Variants in DYM observed in about 807,000 individuals in gnomAD.
The protein encoded by DYM is dyggve-Melchior-Clausen syndrome protein.
In DYM, 78 loss-of-function variants were observed where a neutral mutation model predicts 93.1. The ratio of observed to expected loss-of-function variants is 0.84; its 90% CI spans 0.70 to 1.01. The LOEUF is 1.01. Ranked by LOEUF, DYM falls within the 50% of genes least tolerant of loss-of-function variation. DYM has a pLI of 0.00. For missense variants in DYM, 789 were observed against 845.0 expected (o/e 0.93, Z 0.82); for synonymous variants, 321 against 319.7 (o/e 1.00, Z -0.04).
chr18:49,178,067 A>G (rs2145414470), intron 14 of DYM, among the ~76,000 whole-genome samples: 1 of 152,294 alleles, frequency 6.6e-6, no homozygotes, highest in Admixed American at 6.5e-5. Context: ...AACCACAAAG[A>G]GAGAACAATT....
At chr18:49,096,050 A>T (rs952959590) in intron 17 of DYM, among the ~76,000 whole-genome samples, 2 of 152,194 alleles carry the variant, frequency 1.3e-5, no homozygotes, top group African/African-American at 4.8e-5. Flanking sequence ...AAAAAATCCC[A>T]CAAAAATACC....
intron 14 of DYM, among the ~76,000 whole-genome samples, chr18:49,194,338 ACC>A (rs1184203575): frequency 6.6e-6 from 1 of 152,090 alleles, no homozygotes; most frequent in African/African-American, 2.4e-5. Context: ...ACACCTACAC[ACC>A]CACACCTACA....
At chr18:49,336,570 G>A (rs150549504) in intron 6 of DYM, among the ~76,000 whole-genome samples, 167 of 152,246 alleles carry the variant, frequency 1.1e-3, no homozygotes, top group Non-Finnish European at 1.9e-3. Flanking sequence ...TGTGTCTTCC[G>A]TAGGCCCAGA....
chr18:49,305,890 T>C (rs757095910), intron 8 of DYM, among the ~76,000 whole-genome samples: 31 of 152,356 alleles, frequency 2.0e-4, no homozygotes, highest in African/African-American at 3.1e-4. Context: ...CCAAGCTCCA[T>C]TGTACCAGCT....
chr18:49,379,226 T>A (rs995300130), intron 4 of DYM, among the ~76,000 whole-genome samples: 1 of 152,124 alleles, frequency 6.6e-6, no homozygotes, highest in East Asian at 1.9e-4. Flanking sequence ...GAGACTGACA[T>A]CCAAACATGG....
chr18:49,258,847 G>C lies in DYM; in HGVS notation c.1252-354C>G, dbSNP rs1278063706. The stretch of plus-strand genomic sequence containing the variant: ...AGAGACACACACACACACAGAGAGA[G>C]AGAGAGAGAGAGAGAGAGAGAGAGA... On this transcript the variant is annotated intron_variant, in intron 11 of 17. Transcript: ENST00000675505. Among the ~76,000 whole-genome samples the C allele has an allele frequency of 0.01, 589 of 56,968 alleles. 16 individuals are homozygous for C. The South Asian group carries it at 0.13, about 12-fold the overall frequency. 37.4% of individuals were successfully genotyped at this position (56,968 alleles called of 152,430 possible).
intron 11 of DYM, among the ~76,000 whole-genome samples, chr18:49,266,266 C>A (rs2094569607): frequency 6.6e-6 from 1 of 152,154 alleles, no homozygotes; most frequent in Non-Finnish European, 1.5e-5. Context: ...ATGATTCTAA[C>A]ATCTTAGCTT....
At chr18:49,149,712 T>TG (rs1385139673) in intron 15 of DYM, among the ~76,000 whole-genome samples, 3 of 141,990 alleles carry the variant, frequency 2.1e-5, no homozygotes, top group South Asian at 2.4e-4. Flanking sequence ...GTTTTTTTTT[T>TG]TTTTTTTTTT....
chr18:49,090,243 T>C (rs866699001), intron 17 of DYM, among the ~76,000 whole-genome samples: 2 of 152,154 alleles, frequency 1.3e-5, no homozygotes, highest in African/African-American at 4.8e-5. Flanking sequence ...GCCACTGTGA[T>C]TGTTGAATTC....
intron 13 of DYM, among the ~76,000 whole-genome samples, chr18:49,236,723 T>C (rs1027414295): frequency 2.0e-5 from 3 of 151,936 alleles, no homozygotes; most frequent in Admixed American, 6.6e-5. Flanking sequence ...AATAGGAAAA[T>C]GTGAACTTGC....
At chr18:49,386,004 G>T (rs1162542164) in intron 3 of DYM, among the ~76,000 whole-genome samples, 4 of 152,088 alleles carry the variant, frequency 2.6e-5, no homozygotes. Flanking sequence ...TAGAGACAGG[G>T]TCTTGCTATG....
intron 13 of DYM, among the ~76,000 whole-genome samples, chr18:49,249,638 G>A (rs1439182944): frequency 1.3e-5 from 2 of 151,716 alleles, no homozygotes; most frequent in African/African-American, 4.8e-5. Flanking sequence ...TGACCACGTA[G>A]TTCAACAACC....
chr18:49,113,829 T>A (rs561451154), intron 16 of DYM, among the ~76,000 whole-genome samples: 1 of 152,356 alleles, frequency 6.6e-6, no homozygotes, highest in South Asian at 2.1e-4. Flanking sequence ...AAATGTTTTT[T>A]AAATGAATTT....
chr18:49,453,406 T>C (rs2082701543), intron 1 of DYM, among the ~76,000 whole-genome samples: 10 of 152,190 alleles, frequency 6.6e-5, no homozygotes, highest in Admixed American at 6.5e-4. Context: ...TGCTGCTCAC[T>C]CTTTGGGTCC....
Position 49,111,054 on chromosome 18 carries a change from A to G in DYM, c.1911+7690T>C, listed in dbSNP as rs550788078. ...CATTTTATTTTTTCTTACAGTTCCC[A>G]TCTCTCTCTGGAACTGTTTATATAT... On this transcript the variant is annotated intron_variant, in intron 16 of 17. Coordinates refer to ENST00000675505, the MANE Select transcript of DYM (RefSeq NM_001353214.3). Among the ~76,000 whole-genome samples, 33 of 152,044 alleles carry G rather than the reference A, an allele frequency of 2.2e-4. No homozygotes were observed. In the South Asian group the frequency reaches 6.0e-3, roughly 28 times the overall value.
intron 11 of DYM, among the ~76,000 whole-genome samples, chr18:49,266,067 C>T (rs978957591): frequency 1.3e-5 from 2 of 151,096 alleles, no homozygotes; most frequent in Non-Finnish European, 2.9e-5. Context: ...GGCTGAGGCA[C>T]GAGAATTGCG....
At position 49,137,406 on chromosome 18, in the gene DYM, T is replaced by G. The variant is rs142993385; in HGVS notation, c.1729-18480A>C. ...CAGAGTTTGAGCAACTCATTTAATCTGAGAATTTCTTTTCTTTTGTTAAGT... is the reference window on the plus strand; with the variant it reads ...CAGAGTTTGAGCAACTCATTTAATCGGAGAATTTCTTTTCTTTTGTTAAGT... On this transcript the variant is annotated intron_variant, in intron 15 of 17. Transcript: ENST00000675505. 5.0e-3 allele frequency among the ~76,000 whole-genome samples: 757 copies of G among 152,314 alleles called. 8 individuals carry two copies. The highest frequency in any genetic ancestry group is 0.016 in the African/African-American group (680 of 41,570).
intron 17 of DYM, among the ~76,000 whole-genome samples, chr18:49,063,617 CTCTTTTTTTT>C (rs2076164802): frequency 8.3e-6 from 1 of 120,970 alleles, no homozygotes; most frequent in African/African-American, 3.2e-5. Flanking sequence ...TTCTTTCTCT[CTCTTTTTTTT>C]TTTTTTTTTT....
At chr18:49,181,670 C>T (rs1363982326) in intron 14 of DYM, among the ~76,000 whole-genome samples, 4 of 152,100 alleles carry the variant, frequency 2.6e-5, no homozygotes, top group Non-Finnish European at 4.4e-5. Context: ...GATACCTAAT[C>T]TGTGTAACCA....
Sources: allele counts gnomAD v4.1 joint callset (sites outside exome capture counted in the v4.1 genomes callset), GRCh38; gene constraint gnomAD v4.1.1; transcripts MANE v1.5; gene names NCBI Gene and HGNC (gene_info 2026-07-23, HGNC 2026-07-21).